Variants in AEBP1 observed in about 807,000 individuals in gnomAD.
AEBP1 encodes AE binding protein 1.
A neutral mutation model predicts 116.5 loss-of-function variants in AEBP1; 69 were observed. The observed-to-expected ratio is 0.59, with a 90% CI of 0.49 to 0.72. AEBP1 has a LOEUF of 0.72. AEBP1 is among the 30% of genes least tolerant of loss of function. AEBP1 has a pLI of 0.00. For synonymous variants in AEBP1, 627 were observed against 627.3 expected, an observed-to-expected ratio of 1.00 and a Z score of 0.01; for missense variants, 1,444 against 1,557.5, an observed-to-expected ratio of 0.93 and a Z score of 1.23.
Position 44,112,669 on chromosome 7 carries a change from C to G in AEBP1, c.2329C>G (p.Arg777Gly), listed in dbSNP as rs779817458. 1 of 1,613,192 alleles carries G rather than the reference C, an allele frequency of 6.2e-7. No homozygotes were observed. Among genetic ancestry groups the G allele is most frequent in the South Asian group, 1.1e-5 (1 of 91,080 alleles). ...AGTATCCTACCCCTACGATATGGCC[C>G]GCACGCCTACCCAGGAGCAGCTGCT... ...RLVSYPYDMA[R>G]TPTQEQLLAA... is the part of the protein sequence containing the mutation. The change falls in exon 18 of 21, where the codon CGC (arginine) becomes GGC (glycine). Residue 777 changes from arginine to glycine, a missense_variant. Arg to Gly is a moderately radical substitution (Grantham distance 125). Transcript: ENST00000223357. The surrounding 1 kb of genome is among the most constrained non-coding windows in gnomAD (Gnocchi z 6.6).
At position 44,104,361 on chromosome 7, in the gene AEBP1, C is replaced by A. The variant is rs1048992387; in HGVS notation, c.-305C>A. ...CCGGGCCCCGCCAGCGCTTTGGAGA[C>A]GGCTATCCGCGCGGGAGTGCGCCAC... On this transcript the variant is annotated 5_prime_UTR_variant, in exon 1 of 21. Coordinates refer to ENST00000223357, the MANE Select transcript of AEBP1 (RefSeq NM_001129.5). 60 of 223,726 alleles carry A rather than the reference C, an allele frequency of 2.7e-4. No homozygotes were observed. Among genetic ancestry groups the A allele is most frequent in the Non-Finnish European group, 8.7e-5 (10 of 114,910 alleles). The allele number at this position is 223,726 out of a possible 1,614,324, so 13.9% of individuals were successfully genotyped here. A position where few individuals can be genotyped will look rare whatever the true frequency, so the allele number is the denominator to read the frequency against.
Position 44,113,930 on chromosome 7 carries a change from TGCCTCCCACGCTGC to T in AEBP1, c.3147_3160del (p.Pro1051CysfsTer29), listed in dbSNP as rs1470009898. ...ACCACCACCCTAGGCCCCCACACTG[TGCCTCCCACGCTGC>T]CCCCTGCCCCTGCCACCACCCTGAG... On this transcript the variant is annotated frameshift_variant, in exon 21 of 21. Coordinates refer to ENST00000223357, the MANE Select transcript of AEBP1 (RefSeq NM_001129.5). LOFTEE classifies it low-confidence loss of function (END_TRUNC). This position sits in a 1 kb window ranked among gnomAD's most constrained non-coding sequence, Gnocchi z 5.3. The T allele has an allele frequency of 6.2e-7, 1 of 1,613,466 alleles. No individual in the cohort carries two copies. Among genetic ancestry groups the T allele is most frequent in the African/African-American group, 1.3e-5 (1 of 74,924 alleles).
rs1234847407 is a variant in AEBP1 at position 44,108,865 on chromosome 7, C to T, written c.941-34C>T. 1 of 1,549,910 alleles carries T rather than the reference C, an allele frequency of 6.5e-7. No homozygotes were observed. The highest frequency in any genetic ancestry group is 1.4e-5 in the African/African-American group (1 of 73,248). ...AGGAGCTGAGGCCCCGCAGCAGGGT[C>T]AGGGCAGCCTCAGCTGGCTCTCCCT... On this transcript the variant is annotated intron_variant, in intron 6 of 20. Coordinates refer to ENST00000223357, the MANE Select transcript of AEBP1 (RefSeq NM_001129.5). The surrounding 1 kb of genome is among the most constrained non-coding windows in gnomAD (Gnocchi z 5.0).
chr7:44,109,438 C>A, intron 9 of AEBP1, 97 bp downstream of exon 9: 2 of 1,329,114 alleles, frequency 1.5e-6, no homozygotes, highest in East Asian at 2.4e-5. Context: ...CCCAGGTCCC[C>A]GGAACCCTTT....
chr7:44,113,085 C>G lies in AEBP1; in HGVS notation c.2664C>G (p.Arg888=). Residue 888 remains arginine, a synonymous_variant, in exon 19 of 21, where the codon CGC becomes CGG. Coordinates refer to ENST00000223357, the MANE Select transcript of AEBP1 (RefSeq NM_001129.5). This position sits in a 1 kb window ranked among gnomAD's most constrained non-coding sequence, Gnocchi z 5.3. ...DKFPHESELP[R]EWENNKEALL... is the part of the protein sequence containing the mutation. ...TCCCTCATGAGAGTGAGCTGCCCCG[C>G]GAGTGGGAGAACAACAAGGAGGCGC... 2 of 1,614,064 alleles carry G rather than the reference C, an allele frequency of 1.2e-6. No homozygotes were observed. Among genetic ancestry groups the G allele is most frequent in the Non-Finnish European group, 1.7e-6 (2 of 1,180,016 alleles).
chr7:44,107,994 C>T lies in AEBP1; in HGVS notation c.863-13C>T. 2 of 1,576,152 alleles carry T rather than the reference C, an allele frequency of 1.3e-6. No individual in the cohort carries two copies. Among genetic ancestry groups the T allele is most frequent in the Non-Finnish European group, 1.7e-6 (2 of 1,162,412 alleles). On this transcript the variant is annotated splice_polypyrimidine_tract_variant and intron_variant, in intron 5 of 20. Transcript: ENST00000223357. The surrounding 1 kb of genome is among the most constrained non-coding windows in gnomAD (Gnocchi z 4.3). ...GGCGCTCTGGCCCCCTCCTAACCTC[C>T]CCGCCTCCCCAGAGCCTCCTGTGAA... is the stretch of plus-strand genomic sequence containing the variant.
rs1003733040 is a variant in AEBP1, at chr7:44,112,731, G to C, written c.2391G>C (p.Glu797Asp). ...AAMAAARGED[E>D]DEVSEAQETP... ...TGGCAGCAGCCCGGGGGGAGGATGA[G>C]GACGAGGTCTCCGAGGCCCAGGAGA... Residue 797 changes from glutamate to aspartate, a missense_variant, in exon 18 of 21, where the codon GAG (glutamate) becomes GAC (aspartate). Coordinates refer to ENST00000223357, the MANE Select transcript of AEBP1 (RefSeq NM_001129.5). This position sits in a 1 kb window ranked among gnomAD's most constrained non-coding sequence, Gnocchi z 6.6. 1 of 1,613,164 alleles carries C rather than the reference G, an allele frequency of 6.2e-7. No individual in the cohort carries two copies. The highest frequency in any genetic ancestry group is 8.5e-7 in the Non-Finnish European group (1 of 1,179,988).
intron 1 of AEBP1, 130 bp downstream of exon 1, chr7:44,105,048 GC>G: frequency 2.4e-6 from 2 of 842,098 alleles, no homozygotes; most frequent in Non-Finnish European, 1.8e-6. Flanking sequence ...GCGCACGCGA[GC>G]CCAGATGCCT....
In AEBP1 at chr7:44,114,096, G is replaced by A. The variant is rs1466203214; in HGVS notation, c.3312G>A (p.Lys1104=). ...GTEVEPEFGT[K]VEPEFETQLE... ...AGGTGGAGCCCGAGTTTGGGACCAA[G>A]GTGGAGCCCGAGTTTGAGACCCAGT... The change falls in exon 21 of 21, where the codon AAG becomes AAA. Residue 1104 remains lysine, a synonymous_variant. Coordinates refer to ENST00000223357, the MANE Select transcript of AEBP1 (RefSeq NM_001129.5). 7 of 1,614,136 alleles carry A rather than the reference G, an allele frequency of 4.3e-6. No homozygotes were observed. Among genetic ancestry groups the A allele is most frequent in the South Asian group, 1.1e-5 (1 of 91,082 alleles).
chr7:44,111,858 G>C lies in AEBP1; in HGVS notation c.1845G>C (p.Glu615Asp), dbSNP rs2096229772. ...CTGAGGCTCCCGCCCTTGCAGGGGA[G>C]CCCGAGTTCCGCTACACTGCTGGGA... ...SDNPGEHELG[E>D]PEFRYTAGIH... is the part of the protein sequence containing the mutation. The change falls in exon 16 of 21, where the codon GAG becomes GAC. Residue 615 changes from glutamate (E) to aspartate (D), a missense_variant. Coordinates refer to ENST00000223357, the MANE Select transcript of AEBP1 (RefSeq NM_001129.5). The surrounding 1 kb of genome is among the most constrained non-coding windows in gnomAD (Gnocchi z 4.7). 1 of 1,612,618 alleles carries C rather than the reference G, an allele frequency of 6.2e-7. No homozygotes were observed. Among genetic ancestry groups the C allele is most frequent in the East Asian group, 2.2e-5 (1 of 44,832 alleles).
At position 44,111,177 on chromosome 7, in the gene AEBP1, A is replaced by G; in HGVS notation, c.1654A>G (p.Asn552Asp). 1 of 1,522,620 alleles carries G rather than the reference A, an allele frequency of 6.6e-7. No individual in the cohort carries two copies. Among genetic ancestry groups the G allele is most frequent in the African/African-American group, 1.4e-5 (1 of 72,218 alleles). The allele number at this position is 1,522,620 out of a possible 1,614,324, so 94.3% of individuals were successfully genotyped here. A position where few individuals can be genotyped will look rare whatever the true frequency, so the allele number is the denominator to read the frequency against. Reference protein sequence around the residue: ...VAPVYSYYAQNEVVATDDLDF... With the variant: ...VAPVYSYYAQDEVVATDDLDF... ...AGCTGTCTACAGCTACTACGCACAG[A>G]ATGAGGTGGTGGCCACCGATGACCT... Residue 552 changes from asparagine (N) to aspartate (D), a missense_variant, in exon 14 of 21, where the codon AAT (asparagine) becomes GAT (aspartate). Physicochemically the swap from Asn to Asp is conservative, Grantham distance 23. Transcript: ENST00000223357. The surrounding 1 kb of genome is among the most constrained non-coding windows in gnomAD (Gnocchi z 4.7).
At position 44,112,239 on chromosome 7, in the gene AEBP1, C is replaced by A. The variant is rs764105701; in HGVS notation, c.2135C>A (p.Ala712Asp). ...GATCTCAACTCTGTGCTCTGGGGAG[C>A]TGAGGAGAGGAAATGGGTCCCCTAC... ...FPDLNSVLWG[A>D]EERKWVPYRV... Residue 712 changes from alanine to aspartate, a missense_variant, in exon 17 of 21, where the codon GCT (alanine) becomes GAT (aspartate). By Grantham distance (126) the Ala-to-Asp change is moderately radical. Coordinates refer to ENST00000223357, the MANE Select transcript of AEBP1 (RefSeq NM_001129.5). The surrounding 1 kb of genome is among the most constrained non-coding windows in gnomAD (Gnocchi z 6.6). 6.2e-7 allele frequency: 1 copy of A among 1,607,500 alleles called. No homozygotes were observed. The highest frequency in any genetic ancestry group is 8.5e-7 in the Non-Finnish European group (1 of 1,174,996).
Position 44,111,781 on chromosome 7 carries a change from T to G in AEBP1, c.1841-73T>G. ...GTCCCCCAGACCCTCGGGTATGAGGTGGGTCTGGGTCCTTCCTCAGCTGCC... is the reference window on the plus strand; with the variant it reads ...GTCCCCCAGACCCTCGGGTATGAGGGGGGTCTGGGTCCTTCCTCAGCTGCC... On this transcript the variant is annotated intron_variant, in intron 15 of 20. Coordinates refer to ENST00000223357, the MANE Select transcript of AEBP1 (RefSeq NM_001129.5). The surrounding 1 kb of genome is among the most constrained non-coding windows in gnomAD (Gnocchi z 4.7). The G allele has an allele frequency of 6.5e-7, 1 of 1,535,286 alleles. No individual in the cohort carries two copies. Among genetic ancestry groups the G allele is most frequent in the Non-Finnish European group, 8.8e-7 (1 of 1,133,130 alleles).
chr7:44,111,020 G>A lies in AEBP1; in HGVS notation c.1593G>A (p.Leu531=), dbSNP rs781607224. The A allele has an allele frequency of 1.9e-6, 3 of 1,613,734 alleles. No individual in the cohort carries two copies. The highest frequency in any genetic ancestry group is 1.1e-5 in the South Asian group (1 of 91,046). The change falls in exon 13 of 21, where the codon CTG becomes CTA. Residue 531 remains leucine, a synonymous_variant. Coordinates refer to ENST00000223357, the MANE Select transcript of AEBP1 (RefSeq NM_001129.5). This position sits in a 1 kb window ranked among gnomAD's most constrained non-coding sequence, Gnocchi z 4.7. ...RIYPLTWNGS[L]CMRLEVLGCS... is the part of the protein sequence containing the mutation. ...ACCCACTCACCTGGAATGGCAGCCT[G>A]TGCATGCGCCTGGAGGTGCTGGGGT...
At position 44,114,253 on chromosome 7, in the gene AEBP1, G is replaced by A; in HGVS notation, c.3469G>A (p.Asp1157Asn). ...AGAGACCTACACAGTGAACTTTGGG[G>A]ACTTCTGAGATCAGCGTCCTACCAA... ...TVETYTVNFG[D>N]F is the part of the protein sequence containing the mutation. The change falls in exon 21 of 21, where the codon GAC (aspartate) becomes AAC (asparagine). Residue 1157 changes from aspartate to asparagine, a missense_variant. Coordinates refer to ENST00000223357, the MANE Select transcript of AEBP1 (RefSeq NM_001129.5). 6.2e-7 allele frequency: 1 copy of A among 1,613,568 alleles called. No individual in the cohort carries two copies. Among genetic ancestry groups the A allele is most frequent in the African/African-American group, 1.3e-5 (1 of 75,034 alleles).
At chr7:44,110,842 C>T (rs1367170901) in intron 12 of AEBP1, 33 bp downstream of exon 12, 1 of 1,608,098 alleles carries the variant, frequency 6.2e-7, no homozygotes, top group Admixed American at 1.7e-5. Context: ...TGGCTCTGCT[C>T]CCATTGTCTG....
In AEBP1 at chr7:44,113,887, C is replaced by T. The variant is rs1291174232; in HGVS notation, c.3103C>T (p.Leu1035=). The change falls in exon 21 of 21, where the codon CTG becomes TTG. Residue 1035 remains leucine, a synonymous_variant. Coordinates refer to ENST00000223357, the MANE Select transcript of AEBP1 (RefSeq NM_001129.5). The surrounding 1 kb of genome is among the most constrained non-coding windows in gnomAD (Gnocchi z 5.3). ...CCTGCGGCTTCGGGCACAGATGCGG[C>T]TGCGGCGCCTCAACGCCACCACCAC... ...HRLRLRAQMR[L]RRLNATTTLG... 6.2e-7 allele frequency: 1 copy of T among 1,613,214 alleles called. No individual in the cohort carries two copies. Among genetic ancestry groups the T allele is most frequent in the Non-Finnish European group, 8.5e-7 (1 of 1,179,970 alleles).
At position 44,104,601 on chromosome 7, in the gene AEBP1, T is replaced by TGCCAGAGA; in HGVS notation, c.-65_-64insGCCAGAGA. ...CCGTCTCGATCCCCTCTCCGCCCTT[T>TGCCAGAGA]CCCAGAGACCCAGAGCCCCTGACCC... On this transcript the variant is annotated 5_prime_UTR_variant, in exon 1 of 21. Transcript: ENST00000223357. The TGCCAGAGA allele has an allele frequency of 8.5e-7, 1 of 1,174,436 alleles. No homozygotes were observed. The highest frequency in any genetic ancestry group is 1.1e-6 in the Non-Finnish European group (1 of 887,214). 72.8% of individuals were successfully genotyped at this position (1,174,436 alleles called of 1,614,324 possible). A position where few individuals can be genotyped will look rare whatever the true frequency, so the allele number is the denominator to read the frequency against.
rs747772150 is a variant in AEBP1, at chr7:44,113,234, C to T, written c.2710-18C>T. Reference sequence around the variant, plus strand: ...TTGGACCTTCCTGAGGACCAGCAGCCCTCACCTGCTTCCCTAGGTGCACCG... The same window carrying T: ...TTGGACCTTCCTGAGGACCAGCAGCTCTCACCTGCTTCCCTAGGTGCACCG... On this transcript the variant is annotated intron_variant, in intron 19 of 20. Transcript: ENST00000223357. The surrounding 1 kb of genome is among the most constrained non-coding windows in gnomAD (Gnocchi z 5.3). 4 of 1,613,594 alleles carry T rather than the reference C, an allele frequency of 2.5e-6. No individual in the cohort carries two copies. Among genetic ancestry groups the T allele is most frequent in the Admixed American group, 1.7e-5 (1 of 59,986 alleles).
Sources: gnomAD v4.1 joint callset for allele counts on GRCh38, gnomAD v4.1.1 for gene constraint, Gnocchi (gnomAD v3.1) non-coding constraint, MANE v1.5 for transcripts, NCBI Gene and HGNC (gene_info 2026-07-23, HGNC 2026-07-21) for gene names.